Variants in HSP90AA1 observed in about 807,000 individuals in gnomAD.
The protein encoded by HSP90AA1 is heat shock protein HSP 90-alpha.
HSP90AA1 carries 18 observed loss-of-function variants against 73.3 expected under a neutral mutation model. The observed-to-expected ratio is 0.25, with a 90% CI of 0.17 to 0.36. HSP90AA1 has a LOEUF of 0.36. HSP90AA1 is among the 10% of genes least tolerant of loss of function. The pLI is 1.00. For missense variants in HSP90AA1, 704 were observed against 874.2 expected, an observed-to-expected ratio of 0.81 and a Z score of 2.45; for synonymous variants, 477 against 296.9, an observed-to-expected ratio of 1.61 and a Z score of -6.24.
chr14:102,122,880 C>G (rs1200830795), intron 1 of HSP90AA1, among the ~76,000 whole-genome samples: 1 of 150,476 alleles, frequency 6.6e-6, no homozygotes, highest in African/African-American at 2.4e-5. Context: ...GTTGGCCAGG[C>G]TGGTCTCGAA....
chr14:102,126,714 G>C (rs994820145), intron 1 of HSP90AA1, among the ~76,000 whole-genome samples: 2 of 152,258 alleles, frequency 1.3e-5, no homozygotes, highest in East Asian at 3.9e-4. Context: ...ACTTTTAGTA[G>C]AGATGGGGTT....
chr14:102,098,910 C>A (rs2049459648), intron 2 of HSP90AA1, among the ~76,000 whole-genome samples: 1 of 152,170 alleles, frequency 6.6e-6, no homozygotes. Context: ...TAATGTAGTT[C>A]TAAACTCTTT....
At chr14:102,137,750 C>T (rs540775411) in intron 1 of HSP90AA1, among the ~76,000 whole-genome samples, 3 of 151,964 alleles carry the variant, frequency 2.0e-5, no homozygotes, top group African/African-American at 7.2e-5. Flanking sequence ...GGCACTGTGG[C>T]TCATGCCTGT....
chr14:102,088,384 C>CGT (rs1160935572), upstream of HSP90AA1, among the ~76,000 whole-genome samples: 1 of 152,148 alleles, frequency 6.6e-6, no homozygotes, highest in Non-Finnish European at 1.5e-5. Context: ...AGCTCCTTGC[C>CGT]GTGTAAAGAA....
rs1017830031 is a variant in HSP90AA1 at position 102,081,096 on chromosome 14, G to T, written c.*616C>A. On this transcript the variant is annotated 3_prime_UTR_variant, in exon 11 of 11. Coordinates refer to ENST00000216281, the MANE Select transcript of HSP90AA1 (RefSeq NM_005348.4). Reference sequence around the variant, plus strand: ...TACAACTTTAAGCAGAATGTGACTCGAGCACTACATTTCCATCCACAAGAC... The same window carrying T: ...TACAACTTTAAGCAGAATGTGACTCTAGCACTACATTTCCATCCACAAGAC... 1 of 228,168 alleles carries T rather than the reference G, an allele frequency of 4.4e-6. No homozygotes were observed. The highest frequency in any genetic ancestry group is 2.2e-5 in the African/African-American group (1 of 44,948). The allele number at this position is 228,168 out of a possible 1,614,324, so 14.1% of individuals were successfully genotyped here.
chr14:102,125,751 C>G (rs1297904908), intron 1 of HSP90AA1, among the ~76,000 whole-genome samples: 1 of 152,112 alleles, frequency 6.6e-6, no homozygotes, highest in Non-Finnish European at 1.5e-5. Context: ...TGAGATGAGA[C>G]AGCAATGTAA....
chr14:102,101,797 A>C (rs1446080075), intron 2 of HSP90AA1: 1 of 1,218,932 alleles, frequency 8.2e-7, no homozygotes, highest in Non-Finnish European at 1.2e-6. Context: ...TGTGACTCCA[A>C]CCACCGGTTG....
chr14:102,139,288 T>C (rs751397664), exon 1 of HSP90AA1: 1 of 1,614,030 alleles, frequency 6.2e-7, no homozygotes. Context: ...CAGAGGGGCT[T>C]CCTGGGCGGG....
intron 1 of HSP90AA1, among the ~76,000 whole-genome samples, chr14:102,106,776 TCA>T (rs1305075459): frequency 1.3e-5 from 2 of 152,084 alleles, no homozygotes; most frequent in African/African-American, 2.4e-5. Context: ...ACTCCTGACC[TCA>T]GGTGATCTAC....
intron 2 of HSP90AA1, among the ~76,000 whole-genome samples, chr14:102,097,188 G>A (rs2049436100): frequency 6.6e-6 from 1 of 151,998 alleles, no homozygotes; most frequent in South Asian, 2.1e-4. Flanking sequence ...GTTTCTCCAT[G>A]TTGGCCAGGC....
In HSP90AA1 at chr14:102,085,806, C is replaced by T. The variant is rs2152612852; in HGVS notation, c.481G>A (p.Ala161Thr). ...ITKHNDDEQY[A>T]WESSAGGSFT... is the part of the protein sequence containing the mutation. ...GATCCCCCTGCTGAGGACTCCCAAG[C>T]GTACTGCTCATCATCGTTATGTTTG... Residue 161 changes from alanine to threonine, a missense_variant, in exon 3 of 11, where the codon GCT becomes ACT. Coordinates refer to ENST00000216281, the MANE Select transcript of HSP90AA1 (RefSeq NM_005348.4). The T allele has an allele frequency of 6.2e-7, 1 of 1,613,936 alleles. No homozygotes were observed. The highest frequency in any genetic ancestry group is 8.5e-7 in the Non-Finnish European group (1 of 1,179,856).
intron 5 of HSP90AA1, 52 bp from the exon 6 acceptor site, chr14:102,084,616 T>A (rs767874008): frequency 2.2e-5 from 35 of 1,614,018 alleles, no homozygotes; most frequent in Non-Finnish European, 2.8e-5. Flanking sequence ...TTATAGAAGA[T>A]ATTTGGGGTG....
chr14:102,120,167 CA>C (rs1479049584), intron 1 of HSP90AA1, among the ~76,000 whole-genome samples: 1 of 152,042 alleles, frequency 6.6e-6, no homozygotes, highest in Non-Finnish European at 1.5e-5. Flanking sequence ...AGTTCGAGAC[CA>C]GCCTGGGAAA....
At chr14:102,128,399 G>A (rs2049863077) in intron 1 of HSP90AA1, among the ~76,000 whole-genome samples, 1 of 152,022 alleles carries the variant, frequency 6.6e-6, no homozygotes, top group Non-Finnish European at 1.5e-5. Context: ...AGGCCGAGGT[G>A]GGTGGATCAC....
chr14:102,084,115 G>T, intron 6 of HSP90AA1, 132 bp from the exon 7 acceptor site: 1 of 819,714 alleles, frequency 1.2e-6, no homozygotes, highest in Non-Finnish European at 2.0e-6. Context: ...TGTTGCCCAG[G>T]CTGGAGGGCA....
At chr14:102,089,631 G>T (rs1333548967), upstream of HSP90AA1, among the ~76,000 whole-genome samples, 1 of 152,032 alleles carries the variant, frequency 6.6e-6, no homozygotes, top group Non-Finnish European at 1.5e-5. Context: ...CTTGTGTGCA[G>T]ATGACTCACG....
Position 102,084,537 on chromosome 14 carries a change from A to G in HSP90AA1, c.1009T>C (p.Phe337Leu). 1.9e-6 allele frequency: 3 copies of G among 1,614,214 alleles called. No individual in the cohort carries two copies. The highest frequency in any genetic ancestry group is 2.5e-6 in the Non-Finnish European group (3 of 1,180,024). The change falls in exon 6 of 11, where the codon TTC becomes CTC. Residue 337 changes from phenylalanine to leucine, a missense_variant. By Grantham distance (22) the Phe-to-Leu change is conservative. Coordinates refer to ENST00000216281, the MANE Select transcript of HSP90AA1 (RefSeq NM_005348.4). Reference sequence around the variant, plus strand: ...CGTGGGACAAATAGAAGGGCTCTGAATTCCAACTGTCCTTCAACTGAAAAA... The same window carrying G: ...CGTGGGACAAATAGAAGGGCTCTGAGTTCCAACTGTCCTTCAACTGAAAAA... The part of the protein sequence containing the change: ...KHFSVEGQLE[F>L]RALLFVPRRA...
intron 1 of HSP90AA1, among the ~76,000 whole-genome samples, chr14:102,136,510 G>C (rs1237743374): frequency 4.5e-5 from 6 of 132,668 alleles, no homozygotes; most frequent in East Asian, 4.8e-4. Flanking sequence ...CAGAGGTTAC[G>C]GTGAGCCGAG....
chr14:102,127,088 CTTATAA>C (rs2049849101), intron 1 of HSP90AA1, among the ~76,000 whole-genome samples: 2 of 150,310 alleles, frequency 1.3e-5, no homozygotes, highest in South Asian at 2.1e-4. Flanking sequence ...CCAATAAGTA[CTTATAA>C]TTATATATAA....
Sources: allele counts gnomAD v4.1 joint callset (sites outside exome capture counted in the v4.1 genomes callset), GRCh38; gene constraint gnomAD v4.1.1; transcripts MANE v1.5; gene names NCBI Gene and HGNC (gene_info 2026-07-23, HGNC 2026-07-21).